The following NFU1 variants were observed in gnomAD, a reference collection of about 807,000 sequenced individuals.
The protein encoded by NFU1 is NFU1 iron-sulfur cluster scaffold, also known as NFU1 iron-sulfur cluster scaffold homolog, mitochondrial.
NFU1 carries 30 observed loss-of-function variants against 32.2 expected under a neutral mutation model. That is an observed-to-expected ratio of 0.93 (90% CI 0.70 to 1.26). NFU1 has a LOEUF of 1.26. Among genes scored for constraint, NFU1 ranks in the 50% most tolerant of loss-of-function variants. NFU1 has a pLI of 0.00. For missense variants in NFU1, 306 were observed against 306.6 expected, an observed-to-expected ratio of 1.00 and a Z score of 0.02; for synonymous variants, 112 against 104.6, an observed-to-expected ratio of 1.07 and a Z score of -0.43.
At chr2:69,435,372 T>C (rs889539249) in intron 1 of NFU1, among the ~76,000 whole-genome samples, 2 of 152,222 alleles carry the variant, frequency 1.3e-5, no homozygotes, top group African/African-American at 4.8e-5. Context: ...CAAGATCACA[T>C]TTATCTAATT....
At chr2:69,425,741 C>T (rs913123541) in intron 2 of NFU1, among the ~76,000 whole-genome samples, 11 of 152,034 alleles carry the variant, frequency 7.2e-5, no homozygotes, top group African/African-American at 2.4e-4. Context: ...CTACCTCAGC[C>T]TCCCAAAGTG....
chr2:69,436,243 T>G (rs929696749), intron 1 of NFU1, among the ~76,000 whole-genome samples: 3 of 152,200 alleles, frequency 2.0e-5, no homozygotes, highest in Non-Finnish European at 4.4e-5. Context: ...AGAATCCATG[T>G]AAAGTGCTTA....
At chr2:69,413,203 T>C (rs1379225695) in intron 5 of NFU1, among the ~76,000 whole-genome samples, 1 of 151,408 alleles carries the variant, frequency 6.6e-6, no homozygotes, top group Admixed American at 6.6e-5. Context: ...GAGAATCGCT[T>C]GAACCCAGGA....
intron 5 of NFU1, among the ~76,000 whole-genome samples, chr2:69,413,883 C>T (rs1056442388): frequency 2.0e-5 from 3 of 151,990 alleles, no homozygotes; most frequent in African/African-American, 7.3e-5. Context: ...TCTGTCTCTA[C>T]TAAAAATACA....
intron 7 of NFU1, among the ~76,000 whole-genome samples, chr2:69,397,471 A>G (rs919933665): frequency 6.6e-6 from 1 of 152,204 alleles, no homozygotes; most frequent in African/African-American, 2.4e-5. Context: ...TTAGATGCCA[A>G]TTCAAGTTTC....
intron 3 of NFU1, among the ~76,000 whole-genome samples, chr2:69,422,854 T>TACAG (rs1673291792): frequency 6.6e-6 from 1 of 152,124 alleles, no homozygotes; most frequent in Admixed American, 6.6e-5. Context: ...TAGCTGGGAA[T>TACAG]ACAGACACAT....
chr2:69,424,328 G>A (rs1252894090), intron 2 of NFU1, among the ~76,000 whole-genome samples: 1 of 149,968 alleles, frequency 6.7e-6, no homozygotes, highest in Non-Finnish European at 1.5e-5. Context: ...TTGCTCTGTT[G>A]CCCAGGCTGG....
Position 69,412,632 on chromosome 2 carries a change from G to A in NFU1, c.484+2553C>T, listed in dbSNP as rs191325192. Among the ~76,000 whole-genome samples the A allele has an allele frequency of 3.3e-3, 504 of 152,084 alleles. 2 individuals are homozygous for A. Among genetic ancestry groups the A allele is most frequent in the Non-Finnish European group, 5.7e-3 (385 of 67,978 alleles). On this transcript the variant is annotated intron_variant, in intron 5 of 7. Coordinates refer to ENST00000410022, the MANE Select transcript of NFU1 (RefSeq NM_001002755.4). ...GAACTCCTGACCTCGTGATCCACCCGCCTCGGCCTCCCAAATTCCTGGGAT... is the reference window on the plus strand; with the variant it reads ...GAACTCCTGACCTCGTGATCCACCCACCTCGGCCTCCCAAATTCCTGGGAT...
intron 1 of NFU1, among the ~76,000 whole-genome samples, chr2:69,433,708 T>A (rs1673729144): frequency 6.6e-6 from 1 of 152,128 alleles, no homozygotes; most frequent in African/African-American, 2.4e-5. Context: ...ACTCCTGACC[T>A]AAAGTGATCC....
chr2:69,414,020 C>G (rs1672974617), intron 5 of NFU1, among the ~76,000 whole-genome samples: 1 of 152,018 alleles, frequency 6.6e-6, no homozygotes, highest in Non-Finnish European at 1.5e-5. Flanking sequence ...GCACTCCAGC[C>G]TGGGCAACAG....
At chr2:69,414,071 TAAAC>T (rs955281993) in intron 5 of NFU1, among the ~76,000 whole-genome samples, 1 of 151,746 alleles carries the variant, frequency 6.6e-6, no homozygotes, top group African/African-American at 2.4e-5. Context: ...TAAAAATAAA[TAAAC>T]AAATAAATAA....
chr2:69,421,608 C>T (rs559370970), intron 3 of NFU1, among the ~76,000 whole-genome samples: 9 of 138,614 alleles, frequency 6.5e-5, no homozygotes, highest in Non-Finnish European at 9.1e-5. Flanking sequence ...CGCTCTGTCG[C>T]CCAGGCTGGA....
chr2:69,407,491 A>AC (rs1672734049), intron 5 of NFU1, among the ~76,000 whole-genome samples: 1 of 151,922 alleles, frequency 6.6e-6, no homozygotes, highest in Non-Finnish European at 1.5e-5. Context: ...AGCCTGGCCA[A>AC]TAGGGCAAAA....
intron 7 of NFU1, chr2:69,399,493 C>A (rs1399402206): frequency 1.3e-5 from 5 of 376,158 alleles, no homozygotes; most frequent in Middle Eastern, 4.8e-4. Flanking sequence ...TTCTTGCTTG[C>A]ATATTTAAGA....
At chr2:69,402,755 A>AT (rs1355301960) in intron 6 of NFU1, among the ~76,000 whole-genome samples, 4 of 150,894 alleles carry the variant, frequency 2.7e-5, no homozygotes, top group African/African-American at 4.9e-5. Context: ...CTAATTTTTT[A>AT]TTTTTTTAGT....
At chr2:69,421,716 C>T (rs1183833608) in intron 3 of NFU1, among the ~76,000 whole-genome samples, 2 of 151,866 alleles carry the variant, frequency 1.3e-5, no homozygotes, top group Non-Finnish European at 2.9e-5. Context: ...TACAGGCGCC[C>T]GCCACCACAT....
chr2:69,399,357 T>C (rs1672438771), intron 7 of NFU1: 1 of 455,974 alleles, frequency 2.2e-6, no homozygotes, highest in Non-Finnish European at 4.4e-6. Flanking sequence ...TCATTATTAC[T>C]GATGACAAGG....
intron 7 of NFU1, among the ~76,000 whole-genome samples, chr2:69,397,838 C>T (rs779781763): frequency 1.5e-4 from 23 of 149,384 alleles, no homozygotes; most frequent in Non-Finnish European, 1.2e-4. Flanking sequence ...CATTTGAACT[C>T]GGGAGGTGGA....
chr2:69,424,037 G>C (rs947678774), intron 2 of NFU1, among the ~76,000 whole-genome samples: 3 of 151,276 alleles, frequency 2.0e-5, no homozygotes, highest in African/African-American at 7.3e-5. Context: ...GCCAGGCGTG[G>C]TGGCGGGTGC....
Sources: allele counts gnomAD v4.1 joint callset (sites outside exome capture counted in the v4.1 genomes callset), GRCh38; gene constraint gnomAD v4.1.1; transcripts MANE v1.5; gene names NCBI Gene and HGNC (gene_info 2026-07-23, HGNC 2026-07-21).